The following KRT15 variants were observed in gnomAD, a reference collection of about 807,000 sequenced individuals.
KRT15 encodes keratin, type I cytoskeletal 15.
Under a neutral mutation model 46.6 loss-of-function variants are expected in KRT15, and 45 were observed. The observed-to-expected ratio is 0.97, with a 90% confidence interval of 0.76 to 1.24. The LOEUF (loss-of-function observed/expected upper bound fraction) is 1.24, where lower values mean the gene tolerates loss of function less well. KRT15 is among the 50% of genes most tolerant of loss of function. KRT15 has a pLI of 0.00. For missense variants in KRT15, 592 were observed against 588.9 expected (o/e 1.01, Z -0.05); for synonymous variants, 221 against 233.8 (o/e 0.95, Z 0.50).
chr17:41,516,903 C>T lies in KRT15; in HGVS notation c.643G>A (p.Val215Ile), dbSNP rs1002172447. ...VEADINGLRR[V>I]LDELTLARTD... is the part of the protein sequence containing the mutation. ...CTGGCCAGGGTCAGCTCATCCAGGA[C>T]TCGGCGCAAGCCGTTGATGTCAGCC... is the stretch of plus-strand genomic sequence containing the variant. The change falls in exon 3 of 8, where the codon GTC becomes ATC. Residue 215 changes from valine (V) to isoleucine (I), a missense_variant. Val to Ile is a conservative substitution (Grantham distance 29). Transcript: ENST00000254043. 1 of 1,614,240 alleles carries T rather than the reference C, an allele frequency of 6.2e-7. No individual in the cohort carries two copies.
chr17:41,514,651 T>C lies in KRT15; in HGVS notation c.1271A>G (p.Glu424Gly), dbSNP rs769428138. ...CCAGAAGAGTAAAGCCTTCCTACCTTCCCTGATGGCAATGCCAGCCATCCT... is the reference window on the plus strand; with the variant it reads ...CCAGAAGAGTAAAGCCTTCCTACCTCCCCTGATGGCAATGCCAGCCATCCT... ...DAKMAGIAIR[E>G]ASSGGGGSSS... The change falls in exon 7 of 8, where the codon GAA becomes GGA. Residue 424 changes from glutamate (E) to glycine (G), a missense_variant and splice_region_variant. Coordinates refer to ENST00000254043, the MANE Select transcript of KRT15 (RefSeq NM_002275.4). 2 of 1,613,418 alleles carry C rather than the reference T, an allele frequency of 1.2e-6. No individual in the cohort carries two copies. Among genetic ancestry groups the C allele is most frequent in the Non-Finnish European group, 1.7e-6 (2 of 1,179,502 alleles).
rs1333063839 is a variant in KRT15 at position 41,518,401 on chromosome 17, T to A, written c.427A>T (p.Lys143Ter). 1 of 1,614,064 alleles carries A rather than the reference T, an allele frequency of 6.2e-7. No homozygotes were observed. Among genetic ancestry groups the A allele is most frequent in the African/African-American group, 1.3e-5 (1 of 74,980 alleles). ...CATTCTGGGCTGGTTGGGGTCTGCT[T>A]CTGGTACCAGTCATGGATCTTCACC... ...LEVKIHDWYQ[K>*]QTPTSPECDY... is the part of the protein sequence containing the mutation. Residue 143 changes from lysine to a stop codon, truncating the protein, a stop_gained, in exon 1 of 8, where the codon AAG becomes TAG. Transcript: ENST00000254043. LOFTEE classifies it high-confidence loss of function.
chr17:41,514,748 A>G, intron 6 of KRT15, 74 bp from the exon 7 acceptor site: 1 of 1,508,346 alleles, frequency 6.6e-7, no homozygotes, highest in Non-Finnish European at 9.2e-7. Context: ...TCATGTAGAT[A>G]GCTATGCAGT....
At chr17:41,515,267 AAC>A in intron 6 of KRT15, 1 of 588,506 alleles carries the variant, frequency 1.7e-6, no homozygotes, top group South Asian at 2.1e-5. Flanking sequence ...TTACAGAAGA[AAC>A]ACGGATCCAG....
At position 41,515,645 on chromosome 17, in the gene KRT15, G is replaced by A; in HGVS notation, c.1074C>T (p.Ala358=). ...GCCCCTGGATCTGCTGCAGCTGCGT[G>A]GCATAGCGGCACTCTGTCTCGGCCA... ...NSLAETECRY[A]TQLQQIQGLI... is the part of the protein sequence containing the mutation. Residue 358 remains alanine, a synonymous_variant, in exon 6 of 8, where the codon GCC becomes GCT. Coordinates refer to ENST00000254043, the MANE Select transcript of KRT15 (RefSeq NM_002275.4). 1 of 1,614,156 alleles carries A rather than the reference G, an allele frequency of 6.2e-7. No homozygotes were observed. The highest frequency in any genetic ancestry group is 8.5e-7 in the Non-Finnish European group (1 of 1,180,038).
chr17:41,518,623 A>T lies in KRT15; in HGVS notation c.205T>A (p.Phe69Ile). 6.2e-7 allele frequency: 1 copy of T among 1,611,444 alleles called. No individual in the cohort carries two copies. Among genetic ancestry groups the T allele is most frequent in the South Asian group, 1.1e-5 (1 of 90,868 alleles). The change falls in exon 1 of 8, where the codon TTT (phenylalanine) becomes ATT (isoleucine). Residue 69 changes from phenylalanine (F) to isoleucine (I), a missense_variant. Physicochemically the swap from Phe to Ile is conservative, Grantham distance 21. Coordinates refer to ENST00000254043, the MANE Select transcript of KRT15 (RefSeq NM_002275.4). ...GYGGGMRVCG[F>I]GGGAGSVFGG... ...AAAACACTACCAGCCCCTCCACCAA[A>T]GCCACAGACCCTCATGCCACCCCCA... is the stretch of plus-strand genomic sequence containing the variant.
chr17:41,517,567 G>C, intron 1 of KRT15: 1 of 239,796 alleles, frequency 4.2e-6, no homozygotes, highest in African/African-American at 2.2e-5. Context: ...TGCACACCTT[G>C]GACACAGCCA....
intron 7 of KRT15, 135 bp downstream of exon 7, chr17:41,514,514 A>T: frequency 1.3e-6 from 1 of 761,438 alleles, no homozygotes; most frequent in Non-Finnish European, 2.2e-6. Context: ...ACTGGGGAAG[A>T]GGCATCTAAT....
chr17:41,514,149 TG>T, intron 7 of KRT15, 29 bp from the exon 8 acceptor site: 2 of 1,550,272 alleles, frequency 1.3e-6, no homozygotes, highest in Non-Finnish European at 1.8e-6. Flanking sequence ...GGCTTTAGAG[TG>T]GGGGAACCTC....
chr17:41,515,148 T>G, intron 6 of KRT15: 1 of 375,872 alleles, frequency 2.7e-6, no homozygotes, highest in South Asian at 3.4e-5. Flanking sequence ...ATTACAGGCA[T>G]GAGCCACTGA....
At position 41,513,775 on chromosome 17, in the gene KRT15, A is replaced by G. The variant is rs1905238167; in HGVS notation, c.*248T>C. The G allele has an allele frequency of 9.3e-6, 4 of 432,314 alleles. No individual in the cohort carries two copies. In the East Asian group the frequency reaches 1.7e-4, roughly 18 times the overall value. The allele number at this position is 432,314 out of a possible 1,614,324, so 26.8% of individuals were successfully genotyped here. A position where few individuals can be genotyped will look rare whatever the true frequency, so the allele number is the denominator to read the frequency against. ...GCAAAAGGAAAAGTAATTCTTTATT[A>G]CATGAACAGACACTGTACAAATGAG... On this transcript the variant is annotated 3_prime_UTR_variant, in exon 8 of 8. Transcript: ENST00000254043.
chr17:41,516,287 C>T (rs1905365222), intron 3 of KRT15, 22 bp from the exon 4 acceptor site: 1 of 1,605,498 alleles, frequency 6.2e-7, no homozygotes, highest in Non-Finnish European at 8.5e-7. Context: ...GAGGGACCCA[C>T]TTAGAGACGG....
chr17:41,516,740 TTAAG>T (rs1294001657), intron 3 of KRT15, 64 bp downstream of exon 3: 11 of 1,579,988 alleles, frequency 7.0e-6, no homozygotes, highest in East Asian at 4.5e-5. Flanking sequence ...TCTGGGCAAT[TTAAG>T]TGAGTTTTGG....
At position 41,516,128 on chromosome 17, in the gene KRT15, A is replaced by C. The variant is rs757412717; in HGVS notation, c.876T>G (p.Asp292Glu). 26 of 1,614,036 alleles carry C rather than the reference A, an allele frequency of 1.6e-5. No homozygotes were observed. The Admixed American group carries it at 4.2e-4, about 26-fold the overall frequency. Reference protein sequence around the residue: ...YEAMAEKNRRDVEAWFFSKTE... With the variant: ...YEAMAEKNRREVEAWFFSKTE... Reference sequence around the variant, plus strand: ...CCTTGCTGAAGAACCAGGCCTCGACATCCCGGCGGTTCTTCTCCGCCATGG... The same window carrying C: ...CCTTGCTGAAGAACCAGGCCTCGACCTCCCGGCGGTTCTTCTCCGCCATGG... The change falls in exon 4 of 8, where the codon GAT (aspartate) becomes GAG (glutamate). Residue 292 changes from aspartate to glutamate, a missense_variant. Coordinates refer to ENST00000254043, the MANE Select transcript of KRT15 (RefSeq NM_002275.4).
chr17:41,513,997 A>G lies in KRT15; in HGVS notation c.*26T>C. On this transcript the variant is annotated 3_prime_UTR_variant, in exon 8 of 8. Transcript: ENST00000254043. ...GGCCTGATGAGAGTGGGGAGTGGCA[A>G]GGGACGTTTCTCCTGCAATAGACAC... 2 of 1,545,846 alleles carry G rather than the reference A, an allele frequency of 1.3e-6. No homozygotes were observed. Among genetic ancestry groups the G allele is most frequent in the Non-Finnish European group, 1.8e-6 (2 of 1,117,884 alleles).
rs755245020 is a variant in KRT15, at chr17:41,517,103, A to C, written c.561T>G (p.Ala187=). 6.2e-7 allele frequency: 1 copy of C among 1,614,198 alleles called. No homozygotes were observed. Among genetic ancestry groups the C allele is most frequent in the South Asian group, 1.1e-5 (1 of 91,086 alleles). The change falls in exon 2 of 8, where the codon GCT becomes GCG. Residue 187 remains alanine (A), a synonymous_variant. Transcript: ENST00000254043. ...CGCACTTGAGCCTGAAGTCGTCCGC[A>C]GCCAGCCTGGCATTGTCGATCTCCA... ...VILEIDNARL[A]ADDFRLKYEN...
intron 3 of KRT15, 105 bp from the exon 4 acceptor site, chr17:41,516,370 C>G: frequency 8.2e-7 from 1 of 1,218,954 alleles, no homozygotes; most frequent in South Asian, 1.4e-5. Flanking sequence ...ACACCCCAAC[C>G]GCTGTTCCCC....
rs1395367480 is a variant in KRT15 at position 41,514,651 on chromosome 17, TC to T, written c.1270del (p.Glu424LysfsTer17). 12 of 1,613,300 alleles carry T rather than the reference TC, an allele frequency of 7.4e-6. No homozygotes were observed. The highest frequency in any genetic ancestry group is 1.0e-5 in the Non-Finnish European group (12 of 1,179,510). On this transcript the variant is annotated frameshift_variant, in exon 7 of 8. Coordinates refer to ENST00000254043, the MANE Select transcript of KRT15 (RefSeq NM_002275.4). LOFTEE classifies it high-confidence loss of function. ...CCAGAAGAGTAAAGCCTTCCTACCT[TC>T]CCTGATGGCAATGCCAGCCATCCTG... is the stretch of plus-strand genomic sequence containing the variant. ...DAKMAGIAIR[E>X]ASSGGGGSSS...
rs1195739001 is a variant in KRT15 at position 41,518,554 on chromosome 17, C to T, written c.274G>A (p.Gly92Ser). ...GGGVGGGFGGGFGGGDGGLLS... is the reference protein window; with the variant it reads ...GGGVGGGFGGSFGGGDGGLLS... The stretch of plus-strand genomic sequence containing the variant: ...AGACCACCATCGCCACCACCAAAGC[C>T]ACCACCAAAACCCCCACCAACGCCC... Residue 92 changes from glycine to serine, a missense_variant, in exon 1 of 8, where the codon GGC becomes AGC. Physicochemically the swap from Gly to Ser is moderately conservative, Grantham distance 56. Coordinates refer to ENST00000254043, the MANE Select transcript of KRT15 (RefSeq NM_002275.4). 1 of 1,614,098 alleles carries T rather than the reference C, an allele frequency of 6.2e-7. No homozygotes were observed. Among genetic ancestry groups the T allele is most frequent in the South Asian group, 1.1e-5 (1 of 91,074 alleles).
Sources: gnomAD v4.1 joint callset for allele counts on GRCh38, gnomAD v4.1.1 for gene constraint, MANE v1.5 for transcripts, NCBI Gene and HGNC (gene_info 2026-07-23, HGNC 2026-07-21) for gene names.